CDK17: variants seen among roughly 807,000 people sequenced by gnomAD.
CDK17 encodes the protein cyclin dependent kinase 17.
CDK17 carries 24 observed loss-of-function variants against 77.6 expected under a neutral mutation model. That is an observed-to-expected ratio of 0.31 (90% CI 0.22 to 0.44). CDK17 has a LOEUF of 0.44. Among genes scored for constraint, CDK17 ranks in the 20% least tolerant of loss-of-function variants. The pLI is 1.00. For missense variants in CDK17, 429 were observed against 622.5 expected, an observed-to-expected ratio of 0.69 and a Z score of 3.31; for synonymous variants, 203 against 210.4, an observed-to-expected ratio of 0.96 and a Z score of 0.30.
At chr12:96,304,771 T>C (rs1952555483) in intron 5 of CDK17, among the ~76,000 whole-genome samples, 1 of 152,202 alleles carries the variant, frequency 6.6e-6, no homozygotes, top group South Asian at 2.1e-4. Context: ...GTACATAATA[T>C]GCTAAAGGTA....
At chr12:96,289,123 T>G (rs750238893) in intron 11 of CDK17, 44 bp downstream of exon 11, 4 of 1,598,106 alleles carry the variant, frequency 2.5e-6, no homozygotes, top group South Asian at 2.2e-5. Flanking sequence ...AACAGTTACA[T>G]TCTTTCAAAA....
intron 1 of CDK17, among the ~76,000 whole-genome samples, chr12:96,367,590 C>T (rs988469295): frequency 3.9e-5 from 6 of 152,042 alleles, no homozygotes; most frequent in African/African-American, 1.4e-4. Flanking sequence ...GAAGTGAGAA[C>T]TGCTCACAAT....
intron 3 of CDK17, among the ~76,000 whole-genome samples, chr12:96,313,782 T>G (rs372994950): frequency 2.0e-4 from 30 of 152,316 alleles, no homozygotes; most frequent in African/African-American, 7.0e-4. Flanking sequence ...AACTGAGACT[T>G]GAAAGGTTAA....
At chr12:96,396,818 T>C (rs1041096873) in intron 1 of CDK17, among the ~76,000 whole-genome samples, 4 of 152,108 alleles carry the variant, frequency 2.6e-5, no homozygotes, top group Non-Finnish European at 4.4e-5. Context: ...GAAATCTAAA[T>C]GCCATGTAAA....
chr12:96,306,417 A>T (rs997934937), intron 5 of CDK17, among the ~76,000 whole-genome samples: 2 of 84,270 alleles, frequency 2.4e-5, no homozygotes, highest in African/African-American at 7.7e-5. Flanking sequence ...TAATTTGTAC[A>T]AAAAAAAAAA....
At chr12:96,334,686 G>T in intron 2 of CDK17, 33 bp downstream of exon 2, 1 of 1,070,658 alleles carries the variant, frequency 9.3e-7, no homozygotes, top group East Asian at 2.4e-5. Context: ...TAATTAAAAG[G>T]AGGAAGCATC....
intron 3 of CDK17, among the ~76,000 whole-genome samples, chr12:96,317,833 G>A (rs1304622545): frequency 2.0e-3 from 288 of 146,996 alleles, no homozygotes; most frequent in African/African-American, 2.7e-3. Context: ...GGTACCAGCC[G>A]CTGCAAAATC....
At chr12:96,343,321 T>C (rs545116793) in intron 1 of CDK17, among the ~76,000 whole-genome samples, 18 of 152,300 alleles carry the variant, frequency 1.2e-4, no homozygotes, top group African/African-American at 4.3e-4. Context: ...TAGCTACCAT[T>C]CCCCATTTCT....
chr12:96,294,158 G>T (rs1952365664), intron 10 of CDK17, among the ~76,000 whole-genome samples: 1 of 152,102 alleles, frequency 6.6e-6, no homozygotes, highest in Admixed American at 6.5e-5. Flanking sequence ...TGAGTTTTAT[G>T]TACACTTCCC....
At chr12:96,318,792 T>G (rs993138096) in intron 3 of CDK17, among the ~76,000 whole-genome samples, 14 of 127,074 alleles carry the variant, frequency 1.1e-4, no homozygotes, top group African/African-American at 4.2e-4. Flanking sequence ...TGGGACGCAT[T>G]CAAAGCAGTG....
At chr12:96,375,194 G>C (rs1446259209) in intron 1 of CDK17, among the ~76,000 whole-genome samples, 1 of 152,110 alleles carries the variant, frequency 6.6e-6, no homozygotes, top group Non-Finnish European at 1.5e-5. Context: ...GAAATTTCCT[G>C]AACTAACCTA....
chr12:96,341,150 A>G (rs1252739345), intron 1 of CDK17, among the ~76,000 whole-genome samples: 3 of 152,188 alleles, frequency 2.0e-5, no homozygotes, highest in Non-Finnish European at 4.4e-5. Context: ...TCTGGAGGCC[A>G]TCATCCTACG....
chr12:96,396,249 C>T (rs1954166964), intron 1 of CDK17, among the ~76,000 whole-genome samples: 2 of 152,158 alleles, frequency 1.3e-5, no homozygotes, highest in South Asian at 2.1e-4. Context: ...TTCTCTGGCC[C>T]TTGGCAATTC....
At chr12:96,364,606 C>G (rs142692208) in intron 1 of CDK17, among the ~76,000 whole-genome samples, 23 of 152,174 alleles carry the variant, frequency 1.5e-4, no homozygotes, top group Non-Finnish European at 2.4e-4. Context: ...CTGTTCTTTT[C>G]CCATCGTTTT....
intron 3 of CDK17, among the ~76,000 whole-genome samples, chr12:96,316,744 G>T (rs1245236123): frequency 2.4e-5 from 3 of 125,966 alleles, no homozygotes; most frequent in Non-Finnish European, 3.4e-5. Flanking sequence ...GCAGCTGAGG[G>T]TCCTGTCTGT....
intron 2 of CDK17, among the ~76,000 whole-genome samples, chr12:96,325,646 T>C (rs758613340): frequency 6.6e-6 from 1 of 152,192 alleles, no homozygotes; most frequent in Non-Finnish European, 1.5e-5. Context: ...AAAGACAGAC[T>C]GGAGGTAGGG....
chr12:96,297,823 G>A (rs924507132), intron 7 of CDK17, 102 bp from the exon 8 acceptor site: 4 of 633,804 alleles, frequency 6.3e-6, no homozygotes, highest in Admixed American at 5.8e-5. Flanking sequence ...CTTAAGTTTA[G>A]GTCTTGGGCG....
At chr12:96,392,350 G>A (rs780052243) in intron 1 of CDK17, among the ~76,000 whole-genome samples, 4 of 152,080 alleles carry the variant, frequency 2.6e-5, no homozygotes, top group Non-Finnish European at 2.9e-5. Flanking sequence ...CTTCAGACAT[G>A]GATGGATGAA....
chr12:96,366,496 A>C (rs975747187), intron 1 of CDK17, among the ~76,000 whole-genome samples: 1 of 152,240 alleles, frequency 6.6e-6, no homozygotes, highest in Non-Finnish European at 1.5e-5. Context: ...ACAGACATCA[A>C]GTAAAAATTA....
Sources: gnomAD v4.1 joint callset for allele counts (sites outside exome capture counted in the v4.1 genomes callset) on GRCh38, gnomAD v4.1.1 for gene constraint, MANE v1.5 for transcripts, NCBI Gene and HGNC (gene_info 2026-07-23, HGNC 2026-07-21) for gene names.